The following MALRD1 variants were observed in gnomAD, a reference collection of about 807,000 sequenced individuals.
MALRD1 encodes the protein MAM and LDL-receptor class A domain-containing protein 1.
MALRD1 carries 247 observed loss-of-function variants against 242.1 expected under a neutral mutation model. The observed-to-expected ratio is 1.02, with a 90% CI of 0.92 to 1.13. The LOEUF is 1.13. Ranked by LOEUF, MALRD1 falls within the 50% of genes most tolerant of loss-of-function variation. MALRD1 has a pLI of 0.00. For missense variants in MALRD1, 2,989 were observed against 2,533.1 expected, an observed-to-expected ratio of 1.18 and a Z score of -3.86; for synonymous variants, 995 against 866.6, an observed-to-expected ratio of 1.15 and a Z score of -2.60.
At position 19,461,000 on chromosome 10, in the gene MALRD1, A is replaced by G. The variant is rs545611979; in HGVS notation, c.5029+10510A>G. The stretch of plus-strand genomic sequence containing the variant: ...TCAAAATCATGGACCAATCAAAACA[A>G]CTTCTGGTTATAGTAACCTAATTCC... On this transcript the variant is annotated intron_variant, in intron 29 of 39. Coordinates refer to ENST00000454679, the MANE Select transcript of MALRD1 (RefSeq NM_001142308.3). Among the ~76,000 whole-genome samples the G allele has an allele frequency of 1.2e-4, 19 of 152,280 alleles. No individual in the cohort carries two copies. In the South Asian group the frequency reaches 1.5e-3, roughly 12 times the overall value.
Position 19,734,199 on chromosome 10 carries a change from T to C in MALRD1, c.6433T>C (p.Ser2145Pro). The C allele has an allele frequency of 6.5e-7, 1 of 1,535,972 alleles. No homozygotes were observed. ...SFSNPLYGTT[S>P]GSLETLSHHL... The stretch of plus-strand genomic sequence containing the variant: ...CTCAAACCCATTATATGGCACAACA[T>C]CAGGAAGCCTGGAGACCCTGTCACA... The change falls in exon 40 of 40, where the codon TCA (serine) becomes CCA (proline). Residue 2145 changes from serine to proline, a missense_variant. Physicochemically the swap from Ser to Pro is moderately conservative, Grantham distance 74. Transcript: ENST00000454679.
At chr10:19,171,902 A>C (rs1834990854) in intron 13 of MALRD1, among the ~76,000 whole-genome samples, 1 of 141,680 alleles carries the variant, frequency 7.1e-6, no homozygotes, top group South Asian at 2.2e-4. Flanking sequence ...GATATATATC[A>C]CATAATATAT....
chr10:19,697,969 C>G (rs568348852), intron 38 of MALRD1, among the ~76,000 whole-genome samples: 1 of 152,276 alleles, frequency 6.6e-6, no homozygotes, highest in African/African-American at 2.4e-5. Context: ...TACACATTCT[C>G]CATAGATGTC....
chr10:19,056,738 G>T (rs1381243160), intron 1 of MALRD1, among the ~76,000 whole-genome samples: 1 of 152,120 alleles, frequency 6.6e-6, no homozygotes, highest in East Asian at 1.9e-4. Context: ...TTGGTGGTGA[G>T]AATAGGTATT....
chr10:19,490,509 G>GTGT (rs1837437189), intron 29 of MALRD1, among the ~76,000 whole-genome samples: 1 of 74,178 alleles, frequency 1.3e-5, no homozygotes, highest in African/African-American at 6.3e-5. Context: ...AGTGGGGCGG[G>GTGT]GGGGGGGCAG....
chr10:19,370,867 G>A (rs568160992), intron 26 of MALRD1, among the ~76,000 whole-genome samples: 1 of 152,010 alleles, frequency 6.6e-6, no homozygotes, highest in Non-Finnish European at 1.5e-5. Flanking sequence ...ATGAGCCACT[G>A]CACCAGGCCC....
chr10:19,533,021 C>A (rs1213551802), intron 32 of MALRD1, among the ~76,000 whole-genome samples: 1 of 152,144 alleles, frequency 6.6e-6, no homozygotes, highest in African/African-American at 2.4e-5. Context: ...GAAGAGGACA[C>A]TAGTCTACAG....
At chr10:19,251,907 C>A (rs953324432) in intron 18 of MALRD1, among the ~76,000 whole-genome samples, 3 of 151,834 alleles carry the variant, frequency 2.0e-5, no homozygotes, top group Non-Finnish European at 4.4e-5. Flanking sequence ...GTTGCACTTT[C>A]CCCCTTTCCC....
upstream of MALRD1, among the ~76,000 whole-genome samples, chr10:19,048,572 A>G (rs1324419197): frequency 6.6e-6 from 1 of 152,182 alleles, no homozygotes. Flanking sequence ...TTATAGCTTT[A>G]TTGTGGTTGC....
At chr10:19,550,598 T>G (rs1342172511) in intron 32 of MALRD1, among the ~76,000 whole-genome samples, 1 of 152,130 alleles carries the variant, frequency 6.6e-6, no homozygotes, top group Non-Finnish European at 1.5e-5. Context: ...ATGCGGTATT[T>G]GGTTTTCTGT....
At chr10:19,320,597 TG>T (rs1409991905) in intron 21 of MALRD1, among the ~76,000 whole-genome samples, 1 of 152,154 alleles carries the variant, frequency 6.6e-6, no homozygotes, top group Non-Finnish European at 1.5e-5. Flanking sequence ...GTAATGGGAT[TG>T]CTGGGTCAAA....
intron 14 of MALRD1, among the ~76,000 whole-genome samples, chr10:19,197,262 G>T (rs1398032531): frequency 6.6e-6 from 1 of 152,092 alleles, no homozygotes; most frequent in Non-Finnish European, 1.5e-5. Flanking sequence ...TTCAAGATGA[G>T]ATTTTGGTGG....
chr10:19,604,129 A>C (rs1189548212), intron 34 of MALRD1, among the ~76,000 whole-genome samples: 1 of 152,198 alleles, frequency 6.6e-6, no homozygotes, highest in Non-Finnish European at 1.5e-5. Flanking sequence ...CTCTTGCTCC[A>C]AACAGCCAAG....
At chr10:19,149,719 T>C (rs1588616970) in intron 11 of MALRD1, among the ~76,000 whole-genome samples, 2 of 152,286 alleles carry the variant, frequency 1.3e-5, no homozygotes, top group African/African-American at 4.8e-5. Flanking sequence ...AATTCAACCA[T>C]TTTAGTGTAC....
chr10:19,054,977 A>G (rs1409209669), intron 1 of MALRD1, among the ~76,000 whole-genome samples: 1 of 152,130 alleles, frequency 6.6e-6, no homozygotes, highest in Non-Finnish European at 1.5e-5. Context: ...AGCTCTGTAT[A>G]TTTTTCCATA....
chr10:19,631,865 T>G lies in MALRD1; in HGVS notation c.6137+15942T>G, dbSNP rs369943078. 5.7e-4 allele frequency among the ~76,000 whole-genome samples: 87 copies of G among 152,304 alleles called. No individual in the cohort carries two copies. The South Asian group carries it at 0.014, about 25-fold the overall frequency. ...TTTCTTGTAAATTTGTTCAAGTTCC[T>G]TATAGATGCTGGATATTAGACCTTT... On this transcript the variant is annotated intron_variant, in intron 36 of 39. Coordinates refer to ENST00000454679, the MANE Select transcript of MALRD1 (RefSeq NM_001142308.3).
Position 19,124,567 on chromosome 10 carries a change from G to A in MALRD1, c.840G>A (p.Thr280=), listed in dbSNP as rs1045113795. 3.2e-6 allele frequency: 4 copies of A among 1,233,702 alleles called. No individual in the cohort carries two copies. Among genetic ancestry groups the A allele is most frequent in the Admixed American group, 4.2e-5 (1 of 23,674 alleles). The allele number at this position is 1,233,702 out of a possible 1,614,324, so 76.4% of individuals were successfully genotyped here. A position where few individuals can be genotyped will look rare whatever the true frequency, so the allele number is the denominator to read the frequency against. ...TTGAATTTGACATGTGTGAGTGGAC[G>A]TCAGAAGCATCTGCTGGCCAAATTT... ...CGFEFDMCEW[T]SEASAGQISW... The change falls in exon 7 of 40, where the codon ACG becomes ACA. Residue 280 remains threonine (T), a synonymous_variant. Coordinates refer to ENST00000454679, the MANE Select transcript of MALRD1 (RefSeq NM_001142308.3).
intron 17 of MALRD1, among the ~76,000 whole-genome samples, chr10:19,207,366 T>C (rs1027153617): frequency 6.6e-6 from 1 of 152,178 alleles, no homozygotes; most frequent in Non-Finnish European, 1.5e-5. Context: ...TTTTCAATTA[T>C]TGACTATGGT....
chr10:19,270,466 G>A (rs774192841), intron 19 of MALRD1, among the ~76,000 whole-genome samples: 17 of 151,904 alleles, frequency 1.1e-4, no homozygotes, highest in East Asian at 3.9e-4. Context: ...ATAACATAGC[G>A]TGCATTGATT....
Sources: gnomAD v4.1 joint callset for allele counts (sites outside exome capture counted in the v4.1 genomes callset) on GRCh38, gnomAD v4.1.1 for gene constraint, MANE v1.5 for transcripts, NCBI Gene and HGNC (gene_info 2026-07-23, HGNC 2026-07-21) for gene names.